Variants in RASGRP3 observed in about 807,000 individuals in gnomAD.
The protein encoded by RASGRP3 is RAS guanyl releasing protein 3.
Under a neutral mutation model 82.7 loss-of-function variants are expected in RASGRP3, and 54 were observed. The observed-to-expected ratio is 0.65, with a 90% CI of 0.52 to 0.82. The LOEUF is 0.82. Among genes scored for constraint, RASGRP3 ranks in the 40% least tolerant of loss-of-function variants. The probability of loss-of-function intolerance (pLI) is 0.00; values close to 1 mark genes in which losing one functional copy is unlikely to be tolerated. For missense variants in RASGRP3, 861 were observed against 828.9 expected, an observed-to-expected ratio of 1.04 and a Z score of -0.48; for synonymous variants, 309 against 300.5, an observed-to-expected ratio of 1.03 and a Z score of -0.29.
Position 33,527,018 on chromosome 2 carries a change from A to G in RASGRP3, c.808-119A>G, listed in dbSNP as rs1672630409. 11 of 1,050,000 alleles carry G rather than the reference A, an allele frequency of 1.0e-5. No homozygotes were observed. In the South Asian group the frequency reaches 1.7e-4, roughly 16 times the overall value. The allele number at this position is 1,050,000 out of a possible 1,614,324, so 65.0% of individuals were successfully genotyped here. ...CTGATTCATATTTCCCTGCAGCAAC[A>G]TTGGTGCAAGTGATACTTTTCTCAG... On this transcript the variant is annotated intron_variant, in intron 9 of 17. Coordinates refer to ENST00000403687, the MANE Select transcript of RASGRP3 (RefSeq NM_001139488.2).
At chr2:33,534,584 A>C (rs1042852157) in intron 11 of RASGRP3, among the ~76,000 whole-genome samples, 184 bp downstream of exon 11, 1 of 151,890 alleles carries the variant, frequency 6.6e-6, no homozygotes, top group Non-Finnish European at 1.5e-5. Context: ...GCTGGAGTGC[A>C]ATGGTGCGAT....
intron 1 of RASGRP3, among the ~76,000 whole-genome samples, chr2:33,510,920 C>T (rs1022881728): frequency 1.3e-5 from 2 of 152,004 alleles, no homozygotes; most frequent in Admixed American, 6.6e-5. Flanking sequence ...TTTATTATTT[C>T]TAAAATTGGG....
At chr2:33,476,797 T>TGTGTGTGTGTG (rs1558419261) in intron 1 of RASGRP3, 90 bp downstream of exon 1, 20 of 52,130 alleles carry the variant, frequency 3.8e-4, no homozygotes, top group African/African-American at 2.0e-3. Flanking sequence ...GTGTGTGTGT[T>TGTGTGTGTGTG]GCAAGCCACC....
At position 33,539,317 on chromosome 2, in the gene RASGRP3, C is replaced by G. The variant is rs530281068; in HGVS notation, c.1278+107C>G. 212 of 910,226 alleles carry G rather than the reference C, an allele frequency of 2.3e-4. No homozygotes were observed. In the East Asian group the frequency reaches 5.5e-3, roughly 24 times the overall value. The allele number at this position is 910,226 out of a possible 1,614,324, so 56.4% of individuals were successfully genotyped here. ...TGATGGAACCCCTGAAAACAACCCTCTGGCAGGTAGGAACAATTTAGCAGG... is the reference window on the plus strand; with the variant it reads ...TGATGGAACCCCTGAAAACAACCCTGTGGCAGGTAGGAACAATTTAGCAGG... On this transcript the variant is annotated intron_variant, in intron 12 of 17. Transcript: ENST00000403687.
At chr2:33,516,032 A>G (rs1425080802) in intron 3 of RASGRP3, among the ~76,000 whole-genome samples, 3 of 152,236 alleles carry the variant, frequency 2.0e-5, no homozygotes, top group African/African-American at 4.8e-5. Context: ...GAATTTTACT[A>G]AAACTGTCAA....
chr2:33,555,915 C>A (rs1369162245), intron 15 of RASGRP3, among the ~76,000 whole-genome samples: 1 of 152,186 alleles, frequency 6.6e-6, no homozygotes, highest in African/African-American at 2.4e-5. Flanking sequence ...CACTATTTCT[C>A]TAATGCACAG....
rs184948866 is a variant in RASGRP3, at chr2:33,528,971, G to A, written c.1083+1559G>A. Reference sequence around the variant, plus strand: ...TCAGACTGCAGACCTACAGCCACAGGTGATGTCTGCAGACCAGTCTCCATG... The same window carrying A: ...TCAGACTGCAGACCTACAGCCACAGATGATGTCTGCAGACCAGTCTCCATG... On this transcript the variant is annotated intron_variant, in intron 10 of 17. Transcript: ENST00000403687. 3.1e-3 allele frequency among the ~76,000 whole-genome samples: 479 copies of A among 152,310 alleles called. 1 individual carries two copies. Among genetic ancestry groups the A allele is most frequent in the Non-Finnish European group, 5.5e-3 (376 of 68,026 alleles).
chr2:33,512,902 A>G (rs3754824), intron 2 of RASGRP3, among the ~76,000 whole-genome samples: 74,591 of 151,988 alleles, frequency 0.49, 20,315 homozygotes, highest in Middle Eastern at 0.64. Flanking sequence ...AAACAAATAA[A>G]CAAGTAAAAT....
chr2:33,450,512 AAT>A (rs1665727685), intron 2 of RASGRP3, among the ~76,000 whole-genome samples: 1 of 152,180 alleles, frequency 6.6e-6, no homozygotes, highest in African/African-American at 2.4e-5. Context: ...CACTTAGCAT[AAT>A]AGTCTCCAGG....
intron 1 of RASGRP3, among the ~76,000 whole-genome samples, chr2:33,478,548 T>A (rs1667585079): frequency 6.6e-6 from 1 of 152,212 alleles, no homozygotes; most frequent in African/African-American, 2.4e-5. Flanking sequence ...AGTTGAATTA[T>A]CCAACTGCTG....
At chr2:33,556,928 C>CACACACACACACATACAT (rs1553366467) in intron 15 of RASGRP3, among the ~76,000 whole-genome samples, 1,799 of 148,388 alleles carry the variant, frequency 0.012, 49 homozygotes, top group African/African-American at 0.04. Context: ...CACACACACA[C>CACACACACACACATACAT]GCAATTTTAT....
intron 1 of RASGRP3, among the ~76,000 whole-genome samples, chr2:33,479,851 T>C (rs1296669428): frequency 6.6e-6 from 1 of 151,956 alleles, no homozygotes; most frequent in Non-Finnish European, 1.5e-5. Context: ...GTGTCAAAAT[T>C]AGGGTTGGAG....
At position 33,539,176 on chromosome 2, in the gene RASGRP3, C is replaced by A. The variant is rs200573011; in HGVS notation, c.1244C>A (p.Thr415Lys). Residue 415 changes from threonine to lysine, a missense_variant, in exon 12 of 18, where the codon ACG becomes AAG. Thr to Lys is a moderately conservative substitution (Grantham distance 78). Transcript: ENST00000403687. The stretch of plus-strand genomic sequence containing the variant: ...GGGGTGATGCCAAAGCCAGACCCCA[C>A]GGTCATCAACAAGCACATAAGGAAA... ...ALGVMPKPDP[T>K]VINKHIRKLV... 58 of 1,609,828 alleles carry A rather than the reference C, an allele frequency of 3.6e-5. No homozygotes were observed. The highest frequency in any genetic ancestry group is 4.5e-5 in the Non-Finnish European group (53 of 1,178,252).
At chr2:33,440,658 G>C (rs1319465332) in intron 1 of RASGRP3, among the ~76,000 whole-genome samples, 1 of 152,076 alleles carries the variant, frequency 6.6e-6, no homozygotes, top group African/African-American at 2.4e-5. Flanking sequence ...TATACCCAGA[G>C]GTTTTCCTTA....
intron 1 of RASGRP3, among the ~76,000 whole-genome samples, chr2:33,499,772 AAAG>A (rs1356428708): frequency 3.3e-4 from 44 of 133,672 alleles, no homozygotes; most frequent in South Asian, 1.4e-3. Flanking sequence ...CCAAAAAAAA[AAAG>A]AGAGGATAAG....
intron 1 of RASGRP3, among the ~76,000 whole-genome samples, chr2:33,445,652 G>T (rs887340217): frequency 6.6e-6 from 1 of 151,656 alleles, no homozygotes; most frequent in Non-Finnish European, 1.5e-5. Flanking sequence ...GTATGCATTT[G>T]AAATTATTCA....
chr2:33,453,900 GT>G (rs1346607668), intron 2 of RASGRP3, among the ~76,000 whole-genome samples: 1 of 151,948 alleles, frequency 6.6e-6, no homozygotes, highest in South Asian at 2.1e-4. Context: ...AAAAGTGGGG[GT>G]TTTTTTGGGT....
At chr2:33,483,955 C>T (rs1668153524) in intron 1 of RASGRP3, among the ~76,000 whole-genome samples, 1 of 152,104 alleles carries the variant, frequency 6.6e-6, no homozygotes, top group Non-Finnish European at 1.5e-5. Context: ...GAGCGACAAG[C>T]TATGGAAGAA....
At chr2:33,479,133 C>T (rs1667645211) in intron 1 of RASGRP3, among the ~76,000 whole-genome samples, 1 of 152,188 alleles carries the variant, frequency 6.6e-6, no homozygotes, top group African/African-American at 2.4e-5. Flanking sequence ...ATTTCCAGCA[C>T]AATATGATTA....
Sources: gnomAD v4.1 joint callset for allele counts (sites outside exome capture counted in the v4.1 genomes callset) on GRCh38, gnomAD v4.1.1 for gene constraint, MANE v1.5 for transcripts, NCBI Gene and HGNC (gene_info 2026-07-23, HGNC 2026-07-21) for gene names.